Variants in ANKRD39 observed in about 807,000 individuals in gnomAD.
ANKRD39 encodes ankyrin repeat domain 39.
A neutral mutation model predicts 20.3 loss-of-function variants in ANKRD39; 18 were observed. That is an observed-to-expected ratio of 0.89 (90% confidence interval 0.61 to 1.32). The LOEUF is 1.32. ANKRD39 is among the 40% of genes most tolerant of loss of function. The pLI is 0.00. For synonymous variants in ANKRD39, 106 were observed against 111.9 expected (o/e 0.95, Z 0.33); for missense variants, 243 against 250.7 (o/e 0.97, Z 0.21).
intron 3 of ANKRD39, 98 bp downstream of exon 3, chr2:96,853,303 T>C: frequency 7.2e-7 from 1 of 1,384,228 alleles, no homozygotes; most frequent in Non-Finnish European, 9.9e-7. Flanking sequence ...TTTAACTGTC[T>C]TCTCTCTGAT....
In ANKRD39 at chr2:96,853,522, C is replaced by T; in HGVS notation, c.287G>A (p.Gly96Glu). The T allele has an allele frequency of 6.2e-7, 1 of 1,613,368 alleles. No homozygotes were observed. Among genetic ancestry groups the T allele is most frequent in the Non-Finnish European group, 8.5e-7 (1 of 1,179,952 alleles). The change falls in exon 3 of 4, where the codon GGG becomes GAG. Residue 96 changes from glycine (G) to glutamate (E), a missense_variant. Coordinates refer to ENST00000393537, the MANE Select transcript of ANKRD39 (RefSeq NM_016466.6). Reference sequence around the variant, plus strand: ...GGCTCGGTGCAGAGCAGTGGCACCCCCGTGGGTCTGGGCATCACACTTAGC... The same window carrying T: ...GGCTCGGTGCAGAGCAGTGGCACCCTCGTGGGTCTGGGCATCACACTTAGC... ...SGAKCDAQTH[G>E]GATALHRASY...
At chr2:96,856,893 A>G (rs1424705610) in intron 1 of ANKRD39, among the ~76,000 whole-genome samples, 1 of 152,222 alleles carries the variant, frequency 6.6e-6, no homozygotes, top group African/African-American at 2.4e-5. Context: ...CATATTTGAG[A>G]CACCAAAACA....
Position 96,857,934 on chromosome 2 carries a change from C to T in ANKRD39, c.54G>A (p.Ala18=), listed in dbSNP as rs1181034609. ...CCAGCGTCTGCTGTACGCCGAGCAC[C>T]GCGCTGGGATGCGAGCAGCAGGGCC... The part of the protein sequence containing the change: ...ADGPCCSHPS[A]VLGVQQTLEE... Residue 18 remains alanine, a synonymous_variant, in exon 1 of 4, where the codon GCG becomes GCA. Transcript: ENST00000393537. 4 of 1,583,100 alleles carry T rather than the reference C, an allele frequency of 2.5e-6. No homozygotes were observed. In the East Asian group the frequency reaches 6.8e-5, roughly 27 times the overall value.
chr2:96,852,616 T>C (rs924448546), intron 3 of ANKRD39, among the ~76,000 whole-genome samples: 3 of 150,420 alleles, frequency 2.0e-5, no homozygotes, highest in African/African-American at 7.3e-5. Flanking sequence ...GGACTCCAAG[T>C]GGGGGCGTGG....
chr2:96,853,258 A>G, intron 3 of ANKRD39, 143 bp downstream of exon 3: 1 of 1,045,282 alleles, frequency 9.6e-7, no homozygotes, highest in Non-Finnish European at 1.4e-6. Flanking sequence ...TTAGTCCTAA[A>G]GTGATGACAG....
intron 1 of ANKRD39, among the ~76,000 whole-genome samples, chr2:96,857,090 G>A (rs886337857): frequency 6.6e-6 from 1 of 152,204 alleles, no homozygotes; most frequent in Non-Finnish European, 1.5e-5. Context: ...CTGTAGGAAG[G>A]CAAGCGTGGA....
intron 1 of ANKRD39, 107 bp from the exon 2 acceptor site, chr2:96,854,548 C>T (rs1177356417): frequency 4.7e-6 from 5 of 1,073,026 alleles, no homozygotes; most frequent in Non-Finnish European, 6.9e-6. Context: ...AATATTCATT[C>T]CTTCAACAAA....
At chr2:96,849,145 T>G (rs1241181943) in intron 3 of ANKRD39, among the ~76,000 whole-genome samples, 1 of 152,070 alleles carries the variant, frequency 6.6e-6, no homozygotes, top group East Asian at 1.9e-4. Flanking sequence ...TTTCTTATAT[T>G]TTTAAATTTT....
Position 96,857,928 on chromosome 2 carries a change from G to A in ANKRD39, c.60C>T (p.Leu20=), listed in dbSNP as rs538386804. ...TCTCCTCCAGCGTCTGCTGTACGCC[G>A]AGCACCGCGCTGGGATGCGAGCAGC... ...GPCCSHPSAV[L]GVQQTLEEMD... is the part of the protein sequence containing the mutation. The change falls in exon 1 of 4, where the codon CTC becomes CTT. Residue 20 remains leucine (L), a synonymous_variant. Transcript: ENST00000393537. The A allele has an allele frequency of 1.1e-5, 18 of 1,583,848 alleles. No individual in the cohort carries two copies. The South Asian group carries it at 1.1e-4, about 10-fold the overall frequency.
Position 96,848,369 on chromosome 2 carries a change from G to C in ANKRD39, c.484C>G (p.Arg162Gly). The C allele has an allele frequency of 6.2e-7, 1 of 1,614,176 alleles. No individual in the cohort carries two copies. The highest frequency in any genetic ancestry group is 1.1e-5 in the South Asian group (1 of 91,080). Residue 162 changes from arginine to glycine, a missense_variant, in exon 4 of 4, where the codon CGA becomes GGA. Physicochemically the swap from Arg to Gly is moderately radical, Grantham distance 125 (BLOSUM62 -2). Transcript: ENST00000393537. ...HSPALKAIRD[R>G]KARLACDLLP... Reference sequence around the variant, plus strand: ...AGGTCACATGCTAGCCGTGCCTTTCGGTCCCGGATGGCCTTCAGGGCTGGG... The same window carrying C: ...AGGTCACATGCTAGCCGTGCCTTTCCGTCCCGGATGGCCTTCAGGGCTGGG...
chr2:96,849,593 T>A (rs1427734476), intron 3 of ANKRD39, among the ~76,000 whole-genome samples: 1 of 152,084 alleles, frequency 6.6e-6, no homozygotes, highest in Admixed American at 6.5e-5. Context: ...GAGGTTGCAG[T>A]GAGCCGAGAT....
intron 1 of ANKRD39, among the ~76,000 whole-genome samples, chr2:96,855,897 G>A (rs1418034856): frequency 1.3e-5 from 2 of 151,992 alleles, no homozygotes; most frequent in African/African-American, 2.4e-5. Flanking sequence ...GGAGAATGGC[G>A]TGAACCTGGG....
At chr2:96,855,166 A>G (rs116115348) in intron 1 of ANKRD39, among the ~76,000 whole-genome samples, 5,855 of 152,314 alleles carry the variant, frequency 0.038, 374 homozygotes, top group African/African-American at 0.13. Context: ...CATGCCTCCA[A>G]AGTGAGCCAT....
At position 96,857,995 on chromosome 2, in the gene ANKRD39, C is replaced by T. The variant is rs2153360274; in HGVS notation, c.-8G>A. The T allele has an allele frequency of 6.6e-7, 1 of 1,524,046 alleles. No homozygotes were observed. Among genetic ancestry groups the T allele is most frequent in the East Asian group, 2.6e-5 (1 of 39,132 alleles). The allele number at this position is 1,524,046 out of a possible 1,614,324, so 94.4% of individuals were successfully genotyped here. A position where few individuals can be genotyped will look rare whatever the true frequency, so the allele number is the denominator to read the frequency against. ...GGGCCGAGGCGTCGCCATCCCGGCC[C>T]CGGCGTCAGTCGATCCGCCCCGGGT... On this transcript the variant is annotated 5_prime_UTR_variant, in exon 1 of 4. Transcript: ENST00000393537.
chr2:96,851,014 G>T (rs2079834400), intron 3 of ANKRD39, among the ~76,000 whole-genome samples: 1 of 152,154 alleles, frequency 6.6e-6, no homozygotes, highest in African/African-American at 2.4e-5. Context: ...GGGTTTTTTT[G>T]AGACGGAATA....
chr2:96,855,417 T>C (rs974164460), intron 1 of ANKRD39, among the ~76,000 whole-genome samples: 2 of 152,136 alleles, frequency 1.3e-5, no homozygotes, highest in Admixed American at 6.6e-5. Context: ...CAAAATGTAG[T>C]ACAAAATGAT....
At chr2:96,854,252 G>A (rs762785929) in intron 2 of ANKRD39, 86 bp downstream of exon 2, 33 of 1,341,752 alleles carry the variant, frequency 2.5e-5, no homozygotes, top group Non-Finnish European at 3.2e-5. Context: ...GAGGTAAAAG[G>A]TAACCATCAG....
chr2:96,853,111 G>A (rs1343391663), intron 3 of ANKRD39, among the ~76,000 whole-genome samples: 1 of 152,138 alleles, frequency 6.6e-6, no homozygotes, highest in Non-Finnish European at 1.5e-5. Flanking sequence ...TGGACTACAG[G>A]AACAGGCAAG....
chr2:96,854,904 G>A (rs571058649), intron 1 of ANKRD39, among the ~76,000 whole-genome samples: 22 of 152,300 alleles, frequency 1.4e-4, no homozygotes, highest in Admixed American at 7.8e-4. Flanking sequence ...GATTACAGGC[G>A]TGAGCCACCG....
Sources: allele counts gnomAD v4.1 joint callset (sites outside exome capture counted in the v4.1 genomes callset), GRCh38; gene constraint gnomAD v4.1.1; transcripts MANE v1.5; gene names NCBI Gene and HGNC (gene_info 2026-07-23, HGNC 2026-07-21).